Variants in PANK1 observed in about 807,000 individuals in gnomAD.
PANK1 encodes the protein pantothenate kinase 1.
Under a neutral mutation model 40.1 loss-of-function variants are expected in PANK1, and 18 were observed. The observed-to-expected ratio is 0.45, with a 90% CI of 0.31 to 0.67. The LOEUF (loss-of-function observed/expected upper bound fraction) is 0.67. PANK1 is among the 30% of genes least tolerant of loss of function. The pLI, the probability that PANK1 is intolerant of heterozygous loss-of-function variation, is 0.06. For synonymous variants in PANK1, 242 were observed against 237.7 expected, an observed-to-expected ratio of 1.02 and a Z score of -0.17; for missense variants, 457 against 599.6, an observed-to-expected ratio of 0.76 and a Z score of 2.48.
chr10:89,620,125 C>G (rs1317168681), intron 1 of PANK1, among the ~76,000 whole-genome samples: 1 of 152,176 alleles, frequency 6.6e-6, no homozygotes, highest in South Asian at 2.1e-4. Flanking sequence ...TATATCCCCT[C>G]AGGACCCTGT....
intron 3 of PANK1, among the ~76,000 whole-genome samples, chr10:89,597,091 G>T (rs1345904151): frequency 2.0e-5 from 3 of 152,114 alleles, no homozygotes; most frequent in Admixed American, 2.0e-4. Flanking sequence ...AATGTTTAAT[G>T]GGAAAATCAG....
At chr10:89,629,981 G>A (rs927907) in intron 1 of PANK1, among the ~76,000 whole-genome samples, 42,536 of 152,098 alleles carry the variant, frequency 0.28, 6,063 homozygotes, top group East Asian at 0.46. Flanking sequence ...CAAACCTTTT[G>A]ATTAGTGCTA....
At chr10:89,611,292 T>C (rs1055186123) in intron 2 of PANK1, among the ~76,000 whole-genome samples, 3 of 152,228 alleles carry the variant, frequency 2.0e-5, no homozygotes, top group African/African-American at 7.2e-5. Flanking sequence ...GTAGGATTCA[T>C]AGAAGCCTTC....
chr10:89,622,890 T>C (rs1460515298), intron 1 of PANK1, among the ~76,000 whole-genome samples: 6 of 151,804 alleles, frequency 4.0e-5, no homozygotes, highest in African/African-American at 1.5e-4. Context: ...AGAAAACTAA[T>C]TTATTGTACA....
In PANK1 at chr10:89,645,028, C is replaced by G. The variant is rs779519019; in HGVS notation, c.-137G>C. ...CCGCAGAGCCGGCGCCTGGGGATGG[C>G]GAACCCGGCGCTCCTCCCCTCCTCC... On this transcript the variant is annotated 5_prime_UTR_variant, in exon 1 of 7. Transcript: ENST00000307534. 4 of 1,565,968 alleles carry G rather than the reference C, an allele frequency of 2.6e-6. No individual in the cohort carries two copies. The highest frequency in any genetic ancestry group is 2.6e-6 in the Non-Finnish European group (3 of 1,160,144).
rs192112861 is a variant in PANK1, at chr10:89,583,058, T to C, written c.*1348A>G. The C allele has an allele frequency of 2.6e-5, 4 of 152,292 alleles. No homozygotes were observed. Among genetic ancestry groups the C allele is most frequent in the East Asian group, 1.9e-4 (1 of 5,186 alleles). 9.4% of individuals were successfully genotyped at this position (152,292 alleles called of 1,614,324 possible). A position where few individuals can be genotyped will look rare whatever the true frequency, so the allele number is the denominator to read the frequency against. On this transcript the variant is annotated 3_prime_UTR_variant, in exon 7 of 7. Coordinates refer to ENST00000307534, the MANE Select transcript of PANK1 (RefSeq NM_148977.3). The stretch of plus-strand genomic sequence containing the variant: ...CAATTAACATCAACTTCTTCAAGAC[T>C]TGAAGATATGGAAATTAAAGACGGT...
chr10:89,632,786 C>G (rs34663515), intron 1 of PANK1, among the ~76,000 whole-genome samples: 27,366 of 152,052 alleles, frequency 0.18, 2,871 homozygotes, highest in East Asian at 0.35. Context: ...ATTTAGGAGG[C>G]AGGAAGGGAG....
At chr10:89,619,000 C>A (rs996017289) in intron 1 of PANK1, among the ~76,000 whole-genome samples, 1 of 152,150 alleles carries the variant, frequency 6.6e-6, no homozygotes, top group African/African-American at 2.4e-5. Context: ...CAAAATCCTT[C>A]GCGGTTTTTA....
chr10:89,604,200 G>T (rs1844872755), intron 2 of PANK1, among the ~76,000 whole-genome samples: 1 of 152,116 alleles, frequency 6.6e-6, no homozygotes, highest in South Asian at 2.1e-4. Flanking sequence ...CAAAGGGTAG[G>T]TAATTTTTTT....
rs758997919 is a variant in PANK1 at position 89,611,993 on chromosome 10, G to A, written c.348C>T (p.Phe116=). The A allele has an allele frequency of 3.1e-5, 50 of 1,613,886 alleles. No individual in the cohort carries two copies. The African/African-American group carries it at 3.6e-4, about 12-fold the overall frequency. Residue 116 remains phenylalanine (F), a synonymous_variant, in exon 2 of 7, where the codon TTC becomes TTT. Transcript: ENST00000307534. ...CTTCGGCTGTAATATCCTTCGGCTC[G>A]AAATACACCAATTTAACCAGCGTTC... The part of the protein sequence containing the change: ...IGGTLVKLVY[F]EPKDITAEEE...
At chr10:89,580,225 G>A (rs1844028213), downstream of PANK1, 1 of 151,704 alleles carries the variant, frequency 6.6e-6, no homozygotes, top group South Asian at 2.1e-4. Flanking sequence ...TACTGCATGA[G>A]GTCTGGCACA....
At chr10:89,619,308 T>C (rs934982338) in intron 1 of PANK1, among the ~76,000 whole-genome samples, 5 of 152,176 alleles carry the variant, frequency 3.3e-5, no homozygotes, top group African/African-American at 9.7e-5. Flanking sequence ...CTGGGGGTCA[T>C]TTAGGCTTCC....
At chr10:89,623,460 G>C (rs959247317) in intron 1 of PANK1, among the ~76,000 whole-genome samples, 1 of 151,584 alleles carries the variant, frequency 6.6e-6, no homozygotes, top group Non-Finnish European at 1.5e-5. Context: ...TTCTGACCTC[G>C]CGATTCTCCC....
At chr10:89,580,262 G>A (rs1040262000), downstream of PANK1, 1 of 152,192 alleles carries the variant, frequency 6.6e-6, no homozygotes, top group African/African-American at 2.4e-5. Context: ...AATAATGTTA[G>A]GTATTCAAAA....
At chr10:89,604,550 A>T (rs1215578489) in intron 2 of PANK1, among the ~76,000 whole-genome samples, 1 of 151,906 alleles carries the variant, frequency 6.6e-6, no homozygotes, top group East Asian at 1.9e-4. Flanking sequence ...AAAATTAGCC[A>T]GGCATGGTCA....
At chr10:89,581,484 T>A (rs1232480761), downstream of PANK1, 1 of 151,882 alleles carries the variant, frequency 6.6e-6, no homozygotes, top group Non-Finnish European at 1.5e-5. Context: ...ATTGGTGTGA[T>A]CTCGGCTCAC....
chr10:89,608,938 T>G (rs1845067793), intron 2 of PANK1, among the ~76,000 whole-genome samples: 1 of 152,246 alleles, frequency 6.6e-6, no homozygotes, highest in African/African-American at 2.4e-5. Context: ...TTGCATGATT[T>G]GCTGTCTTCT....
At chr10:89,617,741 T>C (rs1845362117) in intron 1 of PANK1, among the ~76,000 whole-genome samples, 1 of 152,108 alleles carries the variant, frequency 6.6e-6, no homozygotes, top group African/African-American at 2.4e-5. Flanking sequence ...AATAAAGGCA[T>C]GGAAGCACAA....
intron 2 of PANK1, among the ~76,000 whole-genome samples, chr10:89,604,490 G>C (rs1308969357): frequency 3.3e-5 from 5 of 152,024 alleles, no homozygotes; most frequent in Non-Finnish European, 7.4e-5. Flanking sequence ...TCAGGAGCTT[G>C]AGACCAGCCT....
Sources: gnomAD v4.1 joint callset for allele counts (sites outside exome capture counted in the v4.1 genomes callset) on GRCh38, gnomAD v4.1.1 for gene constraint, MANE v1.5 for transcripts, NCBI Gene and HGNC (gene_info 2026-07-23, HGNC 2026-07-21) for gene names.